Variants in ZBTB7C observed in about 807,000 individuals in gnomAD.
The protein encoded by ZBTB7C is zinc finger and BTB domain-containing protein 7C.
Under a neutral mutation model 25.7 loss-of-function variants are expected in ZBTB7C, and 8 were observed. That is an observed-to-expected ratio of 0.31 (90% CI 0.18 to 0.56). ZBTB7C has a LOEUF of 0.56. Among genes scored for constraint, ZBTB7C ranks in the 20% least tolerant of loss-of-function variants. The pLI, the probability that ZBTB7C is intolerant of heterozygous loss-of-function variation, is 0.91. For missense variants in ZBTB7C, 824 were observed against 855.2 expected, an observed-to-expected ratio of 0.96 and a Z score of 0.46; for synonymous variants, 394 against 369.0, an observed-to-expected ratio of 1.07 and a Z score of -0.78.
intron 2 of ZBTB7C, among the ~76,000 whole-genome samples, chr18:48,258,571 C>A (rs1427287758): frequency 6.6e-6 from 1 of 152,180 alleles, no homozygotes; most frequent in East Asian, 1.9e-4. Flanking sequence ...TCTAAATACA[C>A]CATGTTCATA....
At chr18:48,302,431 A>G (rs186304640) in intron 2 of ZBTB7C, among the ~76,000 whole-genome samples, 5 of 147,786 alleles carry the variant, frequency 3.4e-5, no homozygotes, top group African/African-American at 1.3e-4. Flanking sequence ...AGCTCTCTCT[A>G]TATATAATTT....
intron 4 of ZBTB7C, among the ~76,000 whole-genome samples, chr18:48,039,322 G>A (rs2036112965): frequency 6.6e-6 from 1 of 152,184 alleles, no homozygotes; most frequent in Non-Finnish European, 1.5e-5. Context: ...TGAGATTCCA[G>A]TCTCAGCTCT....
chr18:48,339,595 T>C (rs1248177454), intron 1 of ZBTB7C, among the ~76,000 whole-genome samples: 2 of 152,176 alleles, frequency 1.3e-5, no homozygotes, highest in Non-Finnish European at 1.5e-5. Context: ...TATCATTCTT[T>C]CCAGCAAGCT....
At chr18:48,392,757 C>T (rs548856649) in intron 1 of ZBTB7C, among the ~76,000 whole-genome samples, 1 of 152,304 alleles carries the variant, frequency 6.6e-6, no homozygotes, top group South Asian at 2.1e-4. Flanking sequence ...GAGGGAAGTG[C>T]TTTGCAAGAA....
chr18:48,135,124 CACTATTACTATT>C (rs775321717), intron 3 of ZBTB7C, among the ~76,000 whole-genome samples: 4 of 152,122 alleles, frequency 2.6e-5, no homozygotes, highest in Admixed American at 6.5e-5. Context: ...TTGAGGGTTG[CACTATTACTATT>C]ACTATTACTA....
chr18:48,193,834 G>C (rs1275586210), intron 2 of ZBTB7C, among the ~76,000 whole-genome samples: 1 of 152,258 alleles, frequency 6.6e-6, no homozygotes. Flanking sequence ...ACCCATCGTG[G>C]GGGTGCCTCT....
intron 3 of ZBTB7C, among the ~76,000 whole-genome samples, chr18:48,099,704 C>T (rs930374601): frequency 2.6e-5 from 4 of 152,320 alleles, no homozygotes; most frequent in South Asian, 2.1e-4. Context: ...GGGGGTCAGG[C>T]GGTCCCAGCT....
chr18:48,327,558 A>T (rs1186379089), intron 2 of ZBTB7C, among the ~76,000 whole-genome samples: 1 of 152,148 alleles, frequency 6.6e-6, no homozygotes, highest in East Asian at 1.9e-4. Flanking sequence ...CACTGTTCCC[A>T]GTCTCGATCC....
intron 3 of ZBTB7C, among the ~76,000 whole-genome samples, chr18:48,182,660 A>G (rs972204954): frequency 1.3e-5 from 2 of 152,224 alleles, no homozygotes; most frequent in African/African-American, 4.8e-5. Flanking sequence ...AACCCATTCC[A>G]TCTTGGACCA....
chr18:48,279,593 A>C (rs1568348583), intron 2 of ZBTB7C, among the ~76,000 whole-genome samples: 1 of 152,196 alleles, frequency 6.6e-6, no homozygotes, highest in Non-Finnish European at 1.5e-5. Flanking sequence ...TGCCTTTTGC[A>C]AGGTAGGAGT....
At position 48,292,732 on chromosome 18, in the gene ZBTB7C, C is replaced by T. The variant is rs111547770; in HGVS notation, c.-79+45442G>A. 5.6e-3 allele frequency among the ~76,000 whole-genome samples: 853 copies of T among 152,262 alleles called. 3 individuals carry two copies. The highest frequency in any genetic ancestry group is 8.9e-3 in the Non-Finnish European group (605 of 68,022). On this transcript the variant is annotated intron_variant, in intron 2 of 4. Transcript: ENST00000590800. The stretch of plus-strand genomic sequence containing the variant: ...CTAAAAACAAAGCCATTCCTCAATA[C>T]CTGGGTATGACAAGAAAAGCTAGAT...
intron 3 of ZBTB7C, among the ~76,000 whole-genome samples, chr18:48,113,315 C>T (rs1217747228): frequency 2.0e-5 from 3 of 152,140 alleles, no homozygotes; most frequent in African/African-American, 7.2e-5. Flanking sequence ...TATGGATGTA[C>T]ATGAACAAGT....
chr18:48,396,745 A>C (rs2048035974), intron 1 of ZBTB7C, among the ~76,000 whole-genome samples: 1 of 152,198 alleles, frequency 6.6e-6, no homozygotes, highest in Non-Finnish European at 1.5e-5. Flanking sequence ...CACCCCAACA[A>C]CACATATTAC....
intron 2 of ZBTB7C, among the ~76,000 whole-genome samples, chr18:48,193,225 CG>C (rs1304415773): frequency 6.6e-6 from 1 of 152,146 alleles, no homozygotes; most frequent in African/African-American, 2.4e-5. Flanking sequence ...CGGGCACCTC[CG>C]GCTATTAGGC....
chr18:48,153,001 T>C (rs1018580639), intron 3 of ZBTB7C, among the ~76,000 whole-genome samples: 2 of 152,068 alleles, frequency 1.3e-5, no homozygotes, highest in African/African-American at 2.4e-5. Flanking sequence ...CCAGGCAGGG[T>C]GGGTTCCCAG....
At position 48,106,012 on chromosome 18, in the gene ZBTB7C, G is replaced by A. The variant is rs2039015029; in HGVS notation, c.-16-64889C>T. On this transcript the variant is annotated intron_variant, in intron 3 of 4. Coordinates refer to ENST00000590800, the MANE Select transcript of ZBTB7C (RefSeq NM_001318841.2). ...TAAAAATCCTGATAACACGTCCTAT[G>A]ACCTGAACCAGACTACAGAGAAATG... Among the ~76,000 whole-genome samples, 6 of 152,350 alleles carry A rather than the reference G, an allele frequency of 3.9e-5. No homozygotes were observed. The South Asian group carries it at 1.2e-3, about 32-fold the overall frequency.
intron 3 of ZBTB7C, among the ~76,000 whole-genome samples, chr18:48,081,119 C>G (rs2037965263): frequency 6.6e-6 from 1 of 152,192 alleles, no homozygotes; most frequent in Non-Finnish European, 1.5e-5. Context: ...TTTAGTTCTT[C>G]TTGATGCAAA....
rs181757211 is a variant in ZBTB7C, at chr18:48,081,917, A to G, written c.-16-40794T>C. 1.2e-4 allele frequency among the ~76,000 whole-genome samples: 19 copies of G among 152,372 alleles called. No individual in the cohort carries two copies. The East Asian group carries it at 3.5e-3, about 28-fold the overall frequency. On this transcript the variant is annotated intron_variant, in intron 3 of 4. Transcript: ENST00000590800. ...CATTAATAATTTTTATATGAATTAC[A>G]TGTTGAAATGATATGTTAGATATAC...
intron 2 of ZBTB7C, among the ~76,000 whole-genome samples, chr18:48,320,767 T>G (rs891665792): frequency 1.3e-5 from 2 of 152,228 alleles, no homozygotes; most frequent in Non-Finnish European, 2.9e-5. Context: ...GCTGCGGCCC[T>G]GCTTCTCAGA....
Sources: gnomAD v4.1 joint callset for allele counts (sites outside exome capture counted in the v4.1 genomes callset) on GRCh38, gnomAD v4.1.1 for gene constraint, MANE v1.5 for transcripts, NCBI Gene and HGNC (gene_info 2026-07-23, HGNC 2026-07-21) for gene names.